CLEC16A: variants seen among roughly 807,000 people sequenced by gnomAD.
The protein encoded by CLEC16A is C-type lectin domain containing 16A, also known as protein CLEC16A.
A neutral mutation model predicts 109.5 loss-of-function variants in CLEC16A; 51 were observed. The ratio of observed to expected loss-of-function variants is 0.47; its 90% CI spans 0.37 to 0.59. The LOEUF (loss-of-function observed/expected upper bound fraction) is 0.59, where lower values mean the gene tolerates loss of function less well. Among genes scored for constraint, CLEC16A ranks in the 20% least tolerant of loss-of-function variants. The pLI, the probability that CLEC16A is intolerant of heterozygous loss-of-function variation, is 0.00. For synonymous variants in CLEC16A, 673 were observed against 564.2 expected, an observed-to-expected ratio of 1.19 and a Z score of -2.73; for missense variants, 1,339 against 1,394.0, an observed-to-expected ratio of 0.96 and a Z score of 0.63.
At chr16:11,075,412 C>CTGTGTG (rs375261875) in intron 19 of CLEC16A, among the ~76,000 whole-genome samples, 11 of 120,546 alleles carry the variant, frequency 9.1e-5, no homozygotes, top group Non-Finnish European at 1.4e-4. Flanking sequence ...GTGTGTGTGT[C>CTGTGTG]TGTGTGTGTG....
intron 1 of CLEC16A, among the ~76,000 whole-genome samples, chr16:10,945,691 G>A (rs777920132): frequency 2.0e-5 from 3 of 152,154 alleles, no homozygotes; most frequent in African/African-American, 7.2e-5. Flanking sequence ...GACCCAGTAG[G>A]TACATAGTAG....
At chr16:10,952,768 G>C (rs1350896013) in intron 1 of CLEC16A, among the ~76,000 whole-genome samples, 1 of 152,136 alleles carries the variant, frequency 6.6e-6, no homozygotes, top group Non-Finnish European at 1.5e-5. Context: ...AGTCTACTGA[G>C]TATTTCTGTA....
chr16:11,017,397 C>T (rs1375778203), intron 11 of CLEC16A, among the ~76,000 whole-genome samples: 1 of 152,128 alleles, frequency 6.6e-6, no homozygotes, highest in East Asian at 1.9e-4. Context: ...AGCCAAGTCA[C>T]AATGAATGCT....
intron 13 of CLEC16A, 47 bp downstream of exon 13, chr16:11,024,968 C>A: frequency 7.9e-7 from 1 of 1,270,046 alleles, no homozygotes; most frequent in Non-Finnish European, 1.1e-6. Flanking sequence ...CCCTGCATAC[C>A]CATAGCATCC....
At position 11,088,172 on chromosome 16, in the gene CLEC16A, G is replaced by C. The variant is rs916782955; in HGVS notation, c.2116+27150G>C. ...TTGCCCTGTGCCAGGTGCTTGACTG[G>C]GCCCTTGCTGAATCAGATGAAAGAA... is the stretch of plus-strand genomic sequence containing the variant. On this transcript the variant is annotated intron_variant, in intron 19 of 23. Transcript: ENST00000409790. Among the ~76,000 whole-genome samples the C allele has an allele frequency of 2.6e-5, 4 of 152,342 alleles. 1 individual carries two copies. Among genetic ancestry groups the C allele is most frequent in the Middle Eastern group, 6.8e-3 (2 of 294 alleles).
intron 22 of CLEC16A, among the ~76,000 whole-genome samples, chr16:11,161,689 C>T (rs1382079662): frequency 6.6e-6 from 1 of 152,324 alleles, no homozygotes; most frequent in South Asian, 2.1e-4. Context: ...AGGCAAGTTG[C>T]AAGAGCAGGG....
intron 10 of CLEC16A, 99 bp downstream of exon 10, chr16:10,983,090 A>G: frequency 2.9e-6 from 2 of 691,450 alleles, no homozygotes; most frequent in South Asian, 3.3e-5. Flanking sequence ...TTCTGAATAT[A>G]TAGCAGTGAT....
chr16:11,064,011 G>A (rs1207521983), intron 19 of CLEC16A, among the ~76,000 whole-genome samples: 1 of 151,344 alleles, frequency 6.6e-6, no homozygotes, highest in African/African-American at 2.4e-5. Flanking sequence ...GGGAAGAGGG[G>A]AGGAACTAGA....
rs370274101 is a variant in CLEC16A at position 11,178,426 on chromosome 16, G to C, written c.2898G>C (p.Lys966Asn). ...CGGAAGCAGACTCTAAGCCCAGCAA[G>C]AACGTGGCCAGGAGCGCAGCCGTGG... is the stretch of plus-strand genomic sequence containing the variant. ...NETEADSKPS[K>N]NVARSAAVET... Residue 966 changes from lysine (K) to asparagine (N), a missense_variant, in exon 24 of 24, where the codon AAG (lysine) becomes AAC (asparagine). Around this residue, in one of 3 missense-constraint regions of CLEC16A, gnomAD observed 1,061 missense variants for 1,006.8 expected, o/e 1.05. Transcript: ENST00000409790. The surrounding 1 kb of genome is among the most constrained non-coding windows in gnomAD (Gnocchi z 6.5). 153 of 1,613,722 alleles carry C rather than the reference G, an allele frequency of 9.5e-5. 2 individuals carry two copies. In the South Asian group the frequency reaches 1.5e-3, roughly 16 times the overall value.
At chr16:11,073,785 A>T (rs953787239) in intron 19 of CLEC16A, among the ~76,000 whole-genome samples, 1 of 152,232 alleles carries the variant, frequency 6.6e-6, no homozygotes, top group Non-Finnish European at 1.5e-5. Flanking sequence ...GGCCTGGCAC[A>T]GGGCCTGGCA....
At chr16:11,039,345 T>G (rs1390169716) in intron 13 of CLEC16A, among the ~76,000 whole-genome samples, 2 of 152,208 alleles carry the variant, frequency 1.3e-5, no homozygotes, top group Non-Finnish European at 2.9e-5. Flanking sequence ...TACTGGCAAT[T>G]ATTGCATCAA....
intron 11 of CLEC16A, 125 bp downstream of exon 11, chr16:11,003,430 C>G (rs1179052635): frequency 2.8e-6 from 2 of 714,478 alleles, no homozygotes; most frequent in African/African-American, 3.6e-5. Flanking sequence ...GATTCGATTC[C>G]TACCTCACAC....
chr16:11,133,321 A>C (rs2053346111), intron 22 of CLEC16A, among the ~76,000 whole-genome samples: 1 of 151,402 alleles, frequency 6.6e-6, no homozygotes, highest in African/African-American at 2.4e-5. Context: ...CCTGGGTGAC[A>C]GAGTGAGACT....
At chr16:10,993,751 A>G (rs1180632643) in intron 10 of CLEC16A, among the ~76,000 whole-genome samples, 2 of 152,200 alleles carry the variant, frequency 1.3e-5, no homozygotes, top group East Asian at 3.8e-4. Flanking sequence ...TTAGTAAGGG[A>G]GTGTGAGATG....
intron 19 of CLEC16A, among the ~76,000 whole-genome samples, chr16:11,102,595 A>G (rs2050983892): frequency 6.6e-6 from 1 of 152,232 alleles, no homozygotes; most frequent in Non-Finnish European, 1.5e-5. Context: ...CATGTGGTTT[A>G]GTCCCAACCG....
Position 11,020,313 on chromosome 16 carries a change from C to T in CLEC16A, c.1424C>T (p.Thr475Met), listed in dbSNP as rs74163614. ...KSAAATCSES[T>M]QWSRPFLDMV... ...GCCGCCGCCACCTGCTCTGAGAGCA[C>T]GCAATGGAGCAGGTAGCTGCCCGAG... The change falls in exon 12 of 24, where the codon ACG (threonine) becomes ATG (methionine). Residue 475 changes from threonine to methionine, a missense_variant. By Grantham distance (81) the Thr-to-Met change is moderately conservative (BLOSUM62 -1). This residue lies in a region of CLEC16A where 1,061 missense variants were observed against 1,006.8 expected (regional missense o/e 1.05). Coordinates refer to ENST00000409790, the MANE Select transcript of CLEC16A (RefSeq NM_015226.3). 2,259 of 1,610,498 alleles carry T rather than the reference C, an allele frequency of 1.4e-3. 13 individuals are homozygous for T. Among genetic ancestry groups the T allele is most frequent in the Non-Finnish European group, 1.2e-3 (1,467 of 1,178,356 alleles).
chr16:10,945,779 C>G (rs928493848), intron 1 of CLEC16A, among the ~76,000 whole-genome samples: 2 of 152,210 alleles, frequency 1.3e-5, no homozygotes, highest in African/African-American at 4.8e-5. Context: ...GTGCTCCCCC[C>G]ATCCCAGTTC....
At chr16:11,148,089 T>C (rs1237983031) in intron 22 of CLEC16A, among the ~76,000 whole-genome samples, 1 of 152,236 alleles carries the variant, frequency 6.6e-6, no homozygotes, top group Non-Finnish European at 1.5e-5. Context: ...CTGTTGATTG[T>C]GGTCTGACCT....
At chr16:11,114,439 C>A (rs1028635262) in intron 19 of CLEC16A, among the ~76,000 whole-genome samples, 3 of 152,228 alleles carry the variant, frequency 2.0e-5, no homozygotes, top group Middle Eastern at 6.8e-3. Flanking sequence ...CTGGCCTCTC[C>A]TTGCCATGGC....
Sources: gnomAD v4.1 joint callset for allele counts (sites outside exome capture counted in the v4.1 genomes callset) on GRCh38, gnomAD v4.1.1 for gene constraint, gnomAD v4.1.1 regional missense constraint, Gnocchi (gnomAD v3.1) non-coding constraint, MANE v1.5 for transcripts, NCBI Gene and HGNC (gene_info 2026-07-23, HGNC 2026-07-21) for gene names.